Variants in RELN observed in about 807,000 individuals in gnomAD.
RELN encodes reelin.
Under a neutral mutation model 427.6 loss-of-function variants are expected in RELN, and 108 were observed. That is an observed-to-expected ratio of 0.25 (90% CI 0.22 to 0.30). The LOEUF is 0.30. Ranked by LOEUF, RELN falls within the 10% of genes least tolerant of loss-of-function variation. The probability of loss-of-function intolerance (pLI) is 1.00; values close to 1 mark genes in which losing one functional copy is unlikely to be tolerated. For missense variants in RELN, 3,715 were observed against 4,302.8 expected, an observed-to-expected ratio of 0.86 and a Z score of 3.82; for synonymous variants, 1,524 against 1,513.4, an observed-to-expected ratio of 1.01 and a Z score of -0.16.
At chr7:103,617,262 GAT>G (rs911344647) in intron 20 of RELN, among the ~76,000 whole-genome samples, 8 of 152,092 alleles carry the variant, frequency 5.3e-5, no homozygotes, top group African/African-American at 1.9e-4. Flanking sequence ...ATACATTGAG[GAT>G]ATATAGTCTG....
intron 51 of RELN, among the ~76,000 whole-genome samples, chr7:103,505,941 C>T (rs1829194649): frequency 2.0e-5 from 3 of 152,144 alleles, no homozygotes; most frequent in African/African-American, 7.2e-5. Flanking sequence ...CTTCGTGAAG[C>T]ATACACAAGT....
At chr7:103,954,056 C>A (rs1477898412) in intron 1 of RELN, among the ~76,000 whole-genome samples, 1 of 151,982 alleles carries the variant, frequency 6.6e-6, no homozygotes, top group Non-Finnish European at 1.5e-5. Context: ...TTGAGACCAG[C>A]CTGGCCAACA....
chr7:103,889,390 T>A (rs1373217570), intron 2 of RELN, among the ~76,000 whole-genome samples: 1 of 152,204 alleles, frequency 6.6e-6, no homozygotes, highest in African/African-American at 2.4e-5. Context: ...ATTTCTCTTT[T>A]GGGAATGCTA....
At chr7:103,590,370 T>C (rs1457631434) in intron 27 of RELN, among the ~76,000 whole-genome samples, 1 of 152,010 alleles carries the variant, frequency 6.6e-6, no homozygotes, top group Non-Finnish European at 1.5e-5. Flanking sequence ...AAGACTAGCA[T>C]GGCCAAGATG....
chr7:103,961,481 G>A (rs1001130896), intron 1 of RELN, among the ~76,000 whole-genome samples: 2 of 152,144 alleles, frequency 1.3e-5, no homozygotes, highest in Non-Finnish European at 2.9e-5. Flanking sequence ...GAAGTGAAAT[G>A]AGTAATTCAC....
intron 3 of RELN, among the ~76,000 whole-genome samples, chr7:103,794,263 A>C (rs1308214088): frequency 6.6e-6 from 1 of 152,106 alleles, no homozygotes; most frequent in African/African-American, 2.4e-5. Context: ...CATGATTCCA[A>C]CTGTAGCCAG....
At chr7:103,523,156 TTAATTA>T (rs1286412978) in intron 47 of RELN, among the ~76,000 whole-genome samples, 2 of 152,196 alleles carry the variant, frequency 1.3e-5, no homozygotes, top group East Asian at 3.8e-4. Flanking sequence ...TAAAATATAG[TTAATTA>T]TAATTCATCT....
chr7:103,895,228 C>T (rs1312577314), intron 2 of RELN, among the ~76,000 whole-genome samples: 1 of 151,966 alleles, frequency 6.6e-6, no homozygotes, highest in African/African-American at 2.4e-5. Flanking sequence ...GAGGGCTGTA[C>T]ATCTTCTGGG....
At chr7:103,510,251 A>G (rs1470605402) in intron 51 of RELN, among the ~76,000 whole-genome samples, 3 of 152,234 alleles carry the variant, frequency 2.0e-5, no homozygotes, top group Non-Finnish European at 4.4e-5. Context: ...ATGCCCATCA[A>G]TGATAGACTG....
chr7:103,619,086 G>A (rs962527641), intron 20 of RELN, among the ~76,000 whole-genome samples: 4 of 151,656 alleles, frequency 2.6e-5, no homozygotes, highest in Non-Finnish European at 5.9e-5. Context: ...TCCAGCCTGG[G>A]CGACAGAGTG....
At chr7:103,624,456 T>C (rs1832284707) in intron 20 of RELN, among the ~76,000 whole-genome samples, 1 of 152,206 alleles carries the variant, frequency 6.6e-6, no homozygotes. Flanking sequence ...GTCGGAGTTT[T>C]ACTCTTGTTG....
In RELN at chr7:103,825,394, C is replaced by T. The variant is rs151017137; in HGVS notation, c.473+8143G>A. Among the ~76,000 whole-genome samples, 1,340 of 152,188 alleles carry T rather than the reference C, an allele frequency of 8.8e-3. 12 individuals are homozygous for T. Among genetic ancestry groups the T allele is most frequent in the Middle Eastern group, 0.024 (7 of 294 alleles). On this transcript the variant is annotated intron_variant, in intron 3 of 64. Coordinates refer to ENST00000428762, the MANE Select transcript of RELN (RefSeq NM_005045.4). ...AATTCTCACTTGTCATATTTGGCTA[C>T]CATTGCCCATAAAATAAAAAACCAT...
At chr7:103,783,289 G>T (rs1791940457) in intron 3 of RELN, among the ~76,000 whole-genome samples, 2 of 150,612 alleles carry the variant, frequency 1.3e-5, no homozygotes, top group African/African-American at 4.9e-5. Flanking sequence ...AACGTACAGT[G>T]CATTCTAATT....
intron 3 of RELN, among the ~76,000 whole-genome samples, chr7:103,818,373 T>C (rs1242809363): frequency 6.6e-6 from 1 of 152,218 alleles, no homozygotes; most frequent in Non-Finnish European, 1.5e-5. Context: ...GTTTTCTTAA[T>C]TAATGTGATG....
At chr7:103,966,507 C>T (rs758930686) in intron 1 of RELN, among the ~76,000 whole-genome samples, 4 of 152,112 alleles carry the variant, frequency 2.6e-5, no homozygotes, top group Non-Finnish European at 5.9e-5. Context: ...TTCTCATCAA[C>T]ATTATAATGA....
At position 103,953,622 on chromosome 7, in the gene RELN, AAAAT is replaced by A. The variant is rs2116770241; in HGVS notation, c.226+35505_226+35508del. On this transcript the variant is annotated intron_variant, in intron 1 of 64. Coordinates refer to ENST00000428762, the MANE Select transcript of RELN (RefSeq NM_005045.4). The surrounding 1 kb of genome is among the most constrained non-coding windows in gnomAD (Gnocchi z 4.3). ...CAGTCGTAGTAAAATTGTTTCAGTA[AAAAT>A]AAATGATCAAAACTTACCAGCCTCC... 6.6e-6 allele frequency among the ~76,000 whole-genome samples: 1 copy of A among 152,332 alleles called. No individual in the cohort carries two copies. Among genetic ancestry groups the A allele is most frequent in the African/African-American group, 2.4e-5 (1 of 41,586 alleles).
intron 1 of RELN, among the ~76,000 whole-genome samples, chr7:103,946,743 A>G (rs1449890424): frequency 6.6e-6 from 1 of 152,156 alleles, no homozygotes; most frequent in Non-Finnish European, 1.5e-5. Context: ...GTTGGAGGAG[A>G]ACGTGATTGT....
At chr7:103,969,347 T>G (rs917001751) in intron 1 of RELN, among the ~76,000 whole-genome samples, 1 of 152,188 alleles carries the variant, frequency 6.6e-6, no homozygotes, top group Non-Finnish European at 1.5e-5. Flanking sequence ...GCCATAAAAA[T>G]ATTTCCTAAA....
In RELN at chr7:103,542,811, A is replaced by G; in HGVS notation, c.6591T>C (p.Leu2197=). 1 of 1,614,164 alleles carries G rather than the reference A, an allele frequency of 6.2e-7. No homozygotes were observed. Among genetic ancestry groups the G allele is most frequent in the South Asian group, 1.1e-5 (1 of 91,078 alleles). ...GGKPSRKCGI[L]SSGNNLFFNE... is the part of the protein sequence containing the mutation. Reference sequence around the variant, plus strand: ...TGAAAAAGAGGTTGTTTCCACTAGAAAGGATTCCACACTTTCGAGATGGTT... The same window carrying G: ...TGAAAAAGAGGTTGTTTCCACTAGAGAGGATTCCACACTTTCGAGATGGTT... The change falls in exon 43 of 65, where the codon CTT becomes CTC. Residue 2197 remains leucine, a synonymous_variant. Transcript: ENST00000428762.
Sources: gnomAD v4.1 joint callset for allele counts (sites outside exome capture counted in the v4.1 genomes callset) on GRCh38, gnomAD v4.1.1 for gene constraint, Gnocchi (gnomAD v3.1) non-coding constraint, MANE v1.5 for transcripts, NCBI Gene and HGNC (gene_info 2026-07-23, HGNC 2026-07-21) for gene names.